The following PPWD1 variants were observed in gnomAD, a reference collection of about 807,000 sequenced individuals.
PPWD1 encodes the protein peptidylprolyl isomerase domain and WD repeat-containing protein 1.
PPWD1 carries 43 observed loss-of-function variants against 68.8 expected under a neutral mutation model. The ratio of observed to expected loss-of-function variants is 0.62; its 90% CI spans 0.49 to 0.81. PPWD1 has a LOEUF of 0.81. Ranked by LOEUF, PPWD1 falls within the 30% of genes least tolerant of loss-of-function variation. The pLI, the probability that PPWD1 is intolerant of heterozygous loss-of-function variation, is 0.00. For synonymous variants in PPWD1, 232 were observed against 258.7 expected (o/e 0.90, Z 0.99); for missense variants, 672 against 804.8 (o/e 0.83, Z 2.00).
intron 7 of PPWD1, among the ~76,000 whole-genome samples, chr5:65,581,301 C>A (rs890927647): frequency 1.3e-5 from 2 of 152,052 alleles, no homozygotes; most frequent in African/African-American, 4.8e-5. Context: ...AAAGATAATT[C>A]TTGGCCAGGA....
At chr5:65,567,147 G>A (rs78680827) in intron 1 of PPWD1, among the ~76,000 whole-genome samples, 5,035 of 151,892 alleles carry the variant, frequency 0.033, 279 homozygotes, top group African/African-American at 0.12. Flanking sequence ...GAAGATGGTT[G>A]TGATATTTTC....
chr5:65,564,312 C>T (rs1254032311), intron 1 of PPWD1, among the ~76,000 whole-genome samples: 1 of 136,242 alleles, frequency 7.3e-6, no homozygotes, highest in African/African-American at 2.8e-5. Context: ...TCATTATTTT[C>T]TCTCTCTTTT....
intron 2 of PPWD1, 41 bp downstream of exon 2, chr5:65,567,656 TTA>T: frequency 3.4e-6 from 5 of 1,452,528 alleles, no homozygotes; most frequent in East Asian, 2.4e-5. Context: ...CTGAGTTTAT[TTA>T]AAAAAAAAAA....
chr5:65,587,475 T>C lies in PPWD1; in HGVS notation c.*79T>C. On this transcript the variant is annotated 3_prime_UTR_variant, in exon 11 of 11. Coordinates refer to ENST00000261308, the MANE Select transcript of PPWD1 (RefSeq NM_015342.4). Reference sequence around the variant, plus strand: ...ATTTTACATTAGGAAGCTTAGGACTTGCTGAATATACAGATCATGTTTCAA... The same window carrying C: ...ATTTTACATTAGGAAGCTTAGGACTCGCTGAATATACAGATCATGTTTCAA... The C allele has an allele frequency of 8.9e-7, 1 of 1,127,394 alleles. No homozygotes were observed. The highest frequency in any genetic ancestry group is 1.2e-6 in the Non-Finnish European group (1 of 820,388). The allele number at this position is 1,127,394 out of a possible 1,614,324, so 69.8% of individuals were successfully genotyped here. A position where few individuals can be genotyped will look rare whatever the true frequency, so the allele number is the denominator to read the frequency against.
At chr5:65,577,112 G>T (rs1753333849) in intron 6 of PPWD1, 43 bp downstream of exon 6, 1 of 1,566,278 alleles carries the variant, frequency 6.4e-7, no homozygotes, top group South Asian at 1.2e-5. Context: ...ATGTGTTTGT[G>T]GGGGACCATT....
At chr5:65,565,361 G>A (rs1341421284) in intron 1 of PPWD1, among the ~76,000 whole-genome samples, 7 of 152,184 alleles carry the variant, frequency 4.6e-5, no homozygotes, top group African/African-American at 1.7e-4. Context: ...AATTAAACGA[G>A]TAAGGAGAAA....
intron 1 of PPWD1, among the ~76,000 whole-genome samples, chr5:65,565,433 C>G (rs1752703076): frequency 6.6e-6 from 1 of 152,186 alleles, no homozygotes; most frequent in Non-Finnish European, 1.5e-5. Flanking sequence ...GTCTTATAAA[C>G]TTAATATAAC....
At chr5:65,580,214 C>T (rs1034168136) in intron 7 of PPWD1, among the ~76,000 whole-genome samples, 3 of 152,164 alleles carry the variant, frequency 2.0e-5, no homozygotes, top group Non-Finnish European at 4.4e-5. Flanking sequence ...GTATAGAGAC[C>T]TATGCCCTTG....
intron 5 of PPWD1, among the ~76,000 whole-genome samples, chr5:65,575,335 T>C (rs1354540507): frequency 6.6e-6 from 1 of 152,214 alleles, no homozygotes; most frequent in Non-Finnish European, 1.5e-5. Context: ...TCCTGGCACA[T>C]GAATAAGCAG....
intron 9 of PPWD1, 35 bp downstream of exon 9, chr5:65,585,130 A>G (rs1561733895): frequency 6.5e-7 from 1 of 1,548,008 alleles, no homozygotes; most frequent in South Asian, 1.1e-5. Flanking sequence ...TATAAGAAAT[A>G]CTGTATTATT....
intron 5 of PPWD1, among the ~76,000 whole-genome samples, chr5:65,573,163 C>G (rs896621737): frequency 7.6e-6 from 1 of 130,866 alleles, no homozygotes; most frequent in African/African-American, 2.9e-5. Context: ...TTTCCTCCAC[C>G]TGGAGTGAGG....
chr5:65,572,310 G>A lies in PPWD1; in HGVS notation c.969+24G>A, dbSNP rs200863310. The A allele has an allele frequency of 2.9e-4, 451 of 1,544,108 alleles. 3 individuals carry two copies. The East Asian group carries it at 4.4e-3, about 15-fold the overall frequency. On this transcript the variant is annotated intron_variant, in intron 5 of 10. Coordinates refer to ENST00000261308, the MANE Select transcript of PPWD1 (RefSeq NM_015342.4). ...GCGTAAGTGTAATTTAAATTTAACC[G>A]TACTTTACTTTTCTAAAAATGCTTT...
At position 65,572,426 on chromosome 5, in the gene PPWD1, GT is replaced by G. The variant is rs1753059247; in HGVS notation, c.969+143del. The G allele has an allele frequency of 4.3e-6, 4 of 933,020 alleles. No homozygotes were observed. The Admixed American group carries it at 1.2e-4, about 28-fold the overall frequency. 57.8% of individuals were successfully genotyped at this position (933,020 alleles called of 1,614,324 possible). ...CTTAGCACATTAGAGATATTCAACT[GT>G]TTCTGTCTTGTAGTGTTGCTCTTTG... On this transcript the variant is annotated intron_variant, in intron 5 of 10. Coordinates refer to ENST00000261308, the MANE Select transcript of PPWD1 (RefSeq NM_015342.4).
At chr5:65,569,086 G>A in intron 2 of PPWD1, 1 of 451,758 alleles carries the variant, frequency 2.2e-6, no homozygotes, top group African/African-American at 2.0e-5. Flanking sequence ...AAGGTAATAT[G>A]TACAAAGTAC....
intron 6 of PPWD1, among the ~76,000 whole-genome samples, chr5:65,578,982 G>A (rs538565296): frequency 3.3e-5 from 5 of 151,818 alleles, no homozygotes; most frequent in Admixed American, 3.3e-4. Context: ...GCAGTGGCAC[G>A]ATCTCGGCTC....
At chr5:65,574,004 G>A (rs766229874) in intron 5 of PPWD1, among the ~76,000 whole-genome samples, 2 of 151,642 alleles carry the variant, frequency 1.3e-5, no homozygotes, top group Non-Finnish European at 3.0e-5. Flanking sequence ...AATCCTCTGA[G>A]TCTGGATTGA....
chr5:65,581,601 A>C (rs1204241381), intron 7 of PPWD1, among the ~76,000 whole-genome samples: 1 of 152,222 alleles, frequency 6.6e-6, no homozygotes, highest in Non-Finnish European at 1.5e-5. Flanking sequence ...AAAAACAGGC[A>C]AAAAAGGATA....
At position 65,587,364 on chromosome 5, in the gene PPWD1, G is replaced by A; in HGVS notation, c.1909G>A (p.Asp637Asn). The part of the protein sequence containing the change: ...VNPKTDKPYE[D>N]VSIINITVK Reference sequence around the variant, plus strand: ...TCCCAAAACAGATAAGCCCTATGAGGATGTCAGCATCATAAATATTACTGT... The same window carrying A: ...TCCCAAAACAGATAAGCCCTATGAGAATGTCAGCATCATAAATATTACTGT... The change falls in exon 11 of 11, where the codon GAT (aspartate) becomes AAT (asparagine). Residue 637 changes from aspartate (D) to asparagine (N), a missense_variant. Coordinates refer to ENST00000261308, the MANE Select transcript of PPWD1 (RefSeq NM_015342.4). 6.2e-7 allele frequency: 1 copy of A among 1,611,122 alleles called. No individual in the cohort carries two copies. The highest frequency in any genetic ancestry group is 8.5e-7 in the Non-Finnish European group (1 of 1,178,482).
chr5:65,580,067 G>A (rs955076057), intron 7 of PPWD1, among the ~76,000 whole-genome samples: 2 of 151,874 alleles, frequency 1.3e-5, no homozygotes, highest in Non-Finnish European at 2.9e-5. Flanking sequence ...ATATATTCCT[G>A]TGGAATTTTT....
Sources: allele counts gnomAD v4.1 joint callset (sites outside exome capture counted in the v4.1 genomes callset), GRCh38; gene constraint gnomAD v4.1.1; transcripts MANE v1.5; gene names NCBI Gene and HGNC (gene_info 2026-07-23, HGNC 2026-07-21).